PTPN1: variants seen among roughly 807,000 people sequenced by gnomAD.
PTPN1 encodes the protein protein tyrosine phosphatase non-receptor type 1.
Under a neutral mutation model 59.9 loss-of-function variants are expected in PTPN1, and 12 were observed. That is an observed-to-expected ratio of 0.20 (90% CI 0.13 to 0.32). The LOEUF (loss-of-function observed/expected upper bound fraction) is 0.32. PTPN1 is among the 10% of genes least tolerant of loss of function. The pLI is 1.00. For synonymous variants in PTPN1, 178 were observed against 203.6 expected (o/e 0.87, Z 1.07); for missense variants, 356 against 549.2 (o/e 0.65, Z 3.52).
rs2082858407 is a variant in PTPN1, at chr20:50,580,068, G to A, written c.1088+142G>A. The stretch of plus-strand genomic sequence containing the variant: ...GCATCCTTGGGGAACAGGGCGCGTG[G>A]ACCACAGCCACTCCACTCCTGGCTG... On this transcript the variant is annotated intron_variant, in intron 8 of 9. Coordinates refer to ENST00000371621, the MANE Select transcript of PTPN1 (RefSeq NM_002827.4). The A allele has an allele frequency of 4.1e-6, 3 of 740,226 alleles. No individual in the cohort carries two copies. In the South Asian group the frequency reaches 5.4e-5, roughly 13 times the overall value. 45.9% of individuals were successfully genotyped at this position (740,226 alleles called of 1,614,324 possible).
At chr20:50,559,990 G>A (rs992828537) in intron 1 of PTPN1, among the ~76,000 whole-genome samples, 1 of 152,104 alleles carries the variant, frequency 6.6e-6, no homozygotes, top group Non-Finnish European at 1.5e-5. Flanking sequence ...TTGAGCAGGT[G>A]TAAGGAGCCT....
intron 1 of PTPN1, among the ~76,000 whole-genome samples, chr20:50,535,342 A>G (rs1033980516): frequency 6.6e-6 from 1 of 152,100 alleles, no homozygotes; most frequent in Non-Finnish European, 1.5e-5. Context: ...TTCTGTCTTT[A>G]CTGATGCTGT....
chr20:50,541,082 A>T (rs1239256380), intron 1 of PTPN1, among the ~76,000 whole-genome samples: 1 of 152,066 alleles, frequency 6.6e-6, no homozygotes, highest in East Asian at 1.9e-4. Context: ...CCTGCAGGAG[A>T]AGTAGAGGTG....
intron 1 of PTPN1, among the ~76,000 whole-genome samples, chr20:50,531,470 G>A (rs141268169): frequency 0.05 from 7,609 of 152,090 alleles, 274 homozygotes; most frequent in Non-Finnish European, 0.076. Context: ...TCCGCCTCCC[G>A]AGTTCAAGCT....
intron 1 of PTPN1, among the ~76,000 whole-genome samples, chr20:50,559,240 C>T (rs1393978486): frequency 1.3e-5 from 2 of 152,048 alleles, no homozygotes; most frequent in African/African-American, 2.4e-5. Context: ...ACTGTGTTGG[C>T]CAGGCTGGTC....
At chr20:50,518,691 C>T (rs1404919279) in intron 1 of PTPN1, among the ~76,000 whole-genome samples, 1 of 152,066 alleles carries the variant, frequency 6.6e-6, no homozygotes, top group East Asian at 1.9e-4. Flanking sequence ...ATCTTGACAG[C>T]ACTTTTGAAT....
At chr20:50,532,020 A>C (rs1190366698) in intron 1 of PTPN1, among the ~76,000 whole-genome samples, 1 of 152,232 alleles carries the variant, frequency 6.6e-6, no homozygotes, top group Admixed American at 6.5e-5. Flanking sequence ...GACTAGTAAT[A>C]AACTGCGTCT....
At position 50,525,522 on chromosome 20, in the gene PTPN1, C is replaced by A. The variant is rs1396746783; in HGVS notation, c.63+14932C>A. On this transcript the variant is annotated intron_variant, in intron 1 of 9. Coordinates refer to ENST00000371621, the MANE Select transcript of PTPN1 (RefSeq NM_002827.4). ...TATAGATAACAGAACTAGCTGTCTG[C>A]AAACCACTGAAATTGTGAAAACATC... 2.0e-5 allele frequency among the ~76,000 whole-genome samples: 3 copies of A among 152,238 alleles called. No homozygotes were observed. The East Asian group carries it at 5.8e-4, about 29-fold the overall frequency.
At chr20:50,540,423 C>T (rs2082646327) in intron 1 of PTPN1, among the ~76,000 whole-genome samples, 1 of 152,110 alleles carries the variant, frequency 6.6e-6, no homozygotes, top group Non-Finnish European at 1.5e-5. Flanking sequence ...GGGGTGGTGC[C>T]AGGCTTTTTT....
At chr20:50,525,324 G>A (rs1023445195) in intron 1 of PTPN1, among the ~76,000 whole-genome samples, 38 of 152,224 alleles carry the variant, frequency 2.5e-4, no homozygotes, top group African/African-American at 2.4e-5. Context: ...GCCTCCCAAA[G>A]TGCTGGGATT....
intron 1 of PTPN1, among the ~76,000 whole-genome samples, chr20:50,526,131 T>A (rs778057280): frequency 2.6e-5 from 4 of 152,192 alleles, no homozygotes; most frequent in Non-Finnish European, 4.4e-5. Context: ...TCACTGTATG[T>A]ATTTGTATGC....
At chr20:50,530,579 GATCTC>G (rs2082596324) in intron 1 of PTPN1, among the ~76,000 whole-genome samples, 6 of 151,780 alleles carry the variant, frequency 4.0e-5, no homozygotes, top group Admixed American at 3.9e-4. Context: ...GGATGGTCTT[GATCTC>G]TTGACCCCGT....
intron 5 of PTPN1, among the ~76,000 whole-genome samples, chr20:50,576,917 TTTC>T (rs1307440286): frequency 6.6e-6 from 1 of 152,034 alleles, no homozygotes; most frequent in Non-Finnish European, 1.5e-5. Context: ...TTTAAGTCCT[TTTC>T]TTCCCCACCT....
chr20:50,567,032 G>A (rs559222080), intron 3 of PTPN1, among the ~76,000 whole-genome samples: 23 of 152,312 alleles, frequency 1.5e-4, no homozygotes, highest in Admixed American at 1.4e-3. Context: ...TCTTGTTCAG[G>A]TAGTAAGTTC....
chr20:50,580,048 C>A, intron 8 of PTPN1, 122 bp downstream of exon 8: 1 of 915,550 alleles, frequency 1.1e-6, no homozygotes, highest in South Asian at 1.6e-5. Flanking sequence ...CTTCCGCATC[C>A]TTGGGGAACA....
intron 1 of PTPN1, among the ~76,000 whole-genome samples, chr20:50,558,924 C>T (rs1285845802): frequency 6.6e-6 from 1 of 151,796 alleles, no homozygotes; most frequent in Admixed American, 6.6e-5. Flanking sequence ...ATATCTTTCT[C>T]TTTCTTGGTT....
In PTPN1 at chr20:50,564,955, G is replaced by C; in HGVS notation, c.155-14G>C. On this transcript the variant is annotated splice_polypyrimidine_tract_variant and intron_variant, in intron 2 of 9. Transcript: ENST00000371621. Reference sequence around the variant, plus strand: ...TTTCCGGGATTAACCTCTGAGTTCTGGTTTGTCTTTCAGTTGACCATAGTC... The same window carrying C: ...TTTCCGGGATTAACCTCTGAGTTCTCGTTTGTCTTTCAGTTGACCATAGTC... The C allele has an allele frequency of 6.2e-7, 1 of 1,613,166 alleles. No individual in the cohort carries two copies. The highest frequency in any genetic ancestry group is 8.5e-7 in the Non-Finnish European group (1 of 1,179,742).
intron 5 of PTPN1, among the ~76,000 whole-genome samples, chr20:50,575,851 C>T (rs1287886603): frequency 2.6e-5 from 4 of 152,104 alleles, no homozygotes; most frequent in Admixed American, 1.3e-4. Flanking sequence ...TGCTTGTGCC[C>T]GGGAGTTCAA....
intron 5 of PTPN1, chr20:50,578,078 A>C (rs2426163): frequency 8.2e-5 from 15 of 182,322 alleles, no homozygotes; most frequent in Admixed American, 3.5e-4. Context: ...ACAAGATTTT[A>C]TGGGTGGCTG....
Sources: allele counts gnomAD v4.1 joint callset (sites outside exome capture counted in the v4.1 genomes callset), GRCh38; gene constraint gnomAD v4.1.1; transcripts MANE v1.5; gene names NCBI Gene and HGNC (gene_info 2026-07-23, HGNC 2026-07-21).